The following MAGI1 variants were observed in gnomAD, a reference collection of about 807,000 sequenced individuals.
MAGI1 encodes membrane-associated guanylate kinase, WW and PDZ domain-containing protein 1.
Under a neutral mutation model 139.9 loss-of-function variants are expected in MAGI1, and 58 were observed. The observed-to-expected ratio is 0.41, with a 90% confidence interval of 0.34 to 0.52. The LOEUF (loss-of-function observed/expected upper bound fraction) is 0.52. Among genes scored for constraint, MAGI1 ranks in the 20% least tolerant of loss-of-function variants. The pLI is 0.12. For synonymous variants in MAGI1, 812 were observed against 737.9 expected (o/e 1.10, Z -1.63); for missense variants, 1,874 against 1,901.6 (o/e 0.99, Z 0.27).
chr3:65,642,181 G>A (rs1409066992), intron 1 of MAGI1, among the ~76,000 whole-genome samples: 2 of 152,098 alleles, frequency 1.3e-5, no homozygotes, highest in East Asian at 1.9e-4. Flanking sequence ...GCTGTGAGCT[G>A]GGTAATTATC....
rs148227186 is a variant in MAGI1 at position 65,793,086 on chromosome 3, T to C, written c.314-170998A>G. On this transcript the variant is annotated intron_variant, in intron 1 of 22. Transcript: ENST00000402939. ...AGCTAAGTTGAATGTATTTCTTTTA[T>C]TGCTAAGAAACTTTTTGAGAACTGT... 3.6e-3 allele frequency among the ~76,000 whole-genome samples: 553 copies of C among 152,304 alleles called. 9 individuals carry two copies. Among genetic ancestry groups the C allele is most frequent in the Admixed American group, 0.029 (451 of 15,294 alleles).
chr3:65,814,237 T>G lies in MAGI1; in HGVS notation c.314-192149A>C, dbSNP rs571732367. Among the ~76,000 whole-genome samples the G allele has an allele frequency of 7.5e-4, 114 of 152,242 alleles. 1 individual carries two copies. In the South Asian group the frequency reaches 0.023, roughly 31 times the overall value. On this transcript the variant is annotated intron_variant, in intron 1 of 22. Transcript: ENST00000402939. The stretch of plus-strand genomic sequence containing the variant: ...TAATAGTGGGTATCCTTCTTTCATA[T>G]TCATCTACATAAAACAGTCATGATA...
intron 2 of MAGI1, among the ~76,000 whole-genome samples, chr3:65,588,307 C>T (rs2081792696): frequency 6.6e-6 from 1 of 152,128 alleles, no homozygotes; most frequent in Non-Finnish European, 1.5e-5. Context: ...AAGGGTGAAG[C>T]ATTCCTCCCT....
chr3:65,560,942 T>C (rs1024433520), intron 2 of MAGI1, among the ~76,000 whole-genome samples: 5 of 152,220 alleles, frequency 3.3e-5, no homozygotes, highest in African/African-American at 1.2e-4. Context: ...TTTTTAAAAA[T>C]GGTTACGCCA....
At chr3:66,029,506 AG>A (rs2068482297) in intron 1 of MAGI1, among the ~76,000 whole-genome samples, 1 of 152,174 alleles carries the variant, frequency 6.6e-6, no homozygotes, top group South Asian at 2.1e-4. Flanking sequence ...ATGACACTGG[AG>A]ATGGTAACAG....
At chr3:65,875,757 A>T (rs1333970631) in intron 1 of MAGI1, among the ~76,000 whole-genome samples, 1 of 152,218 alleles carries the variant, frequency 6.6e-6, no homozygotes, top group Non-Finnish European at 1.5e-5. Context: ...GAAGAAGAAG[A>T]TAAAGGAATA....
At chr3:65,591,355 C>T (rs2081956816) in intron 2 of MAGI1, among the ~76,000 whole-genome samples, 1 of 152,120 alleles carries the variant, frequency 6.6e-6, no homozygotes, top group Non-Finnish European at 1.5e-5. Flanking sequence ...CTCTTTTTCT[C>T]ACACCCCTCA....
At chr3:65,530,643 G>A (rs2078614346) in intron 2 of MAGI1, among the ~76,000 whole-genome samples, 2 of 126,518 alleles carry the variant, frequency 1.6e-5, no homozygotes, top group African/African-American at 8.6e-5. Context: ...GTGTGTGTGT[G>A]TGTGTGTGTG....
At chr3:65,899,712 C>A (rs1344605260) in intron 1 of MAGI1, among the ~76,000 whole-genome samples, 1 of 152,206 alleles carries the variant, frequency 6.6e-6, no homozygotes, top group African/African-American at 2.4e-5. Context: ...ATTCTCCATA[C>A]ATATGGAGCC....
chr3:65,474,560 G>T, intron 4 of MAGI1, among the ~76,000 whole-genome samples: 1 of 152,056 alleles, frequency 6.6e-6, no homozygotes, highest in Middle Eastern at 3.4e-3. Flanking sequence ...AAACAGAAAC[G>T]AACATGAATG....
At chr3:65,479,582 G>A (rs1951124537) in intron 3 of MAGI1, among the ~76,000 whole-genome samples, 1 of 151,836 alleles carries the variant, frequency 6.6e-6, no homozygotes, top group South Asian at 2.1e-4. Context: ...AATCTCACTG[G>A]TAAGTTATGA....
chr3:65,632,594 G>C (rs115908397), intron 1 of MAGI1, among the ~76,000 whole-genome samples: 1 of 152,146 alleles, frequency 6.6e-6, no homozygotes, highest in Non-Finnish European at 1.5e-5. Context: ...CATTGGTCTA[G>C]GTCAGGGGTC....
At chr3:65,623,695 G>C (rs757490656) in intron 1 of MAGI1, among the ~76,000 whole-genome samples, 6 of 152,174 alleles carry the variant, frequency 3.9e-5, no homozygotes, top group Non-Finnish European at 7.3e-5. Flanking sequence ...TGGTTAAGAT[G>C]ATGGTATTTC....
intron 1 of MAGI1, among the ~76,000 whole-genome samples, chr3:65,778,616 C>T (rs533422135): frequency 1.7e-4 from 26 of 152,202 alleles, no homozygotes; most frequent in Non-Finnish European, 3.2e-4. Flanking sequence ...GGTGAGGAAA[C>T]AGCAGTTAAG....
chr3:65,571,084 G>A (rs2080933739), intron 2 of MAGI1, among the ~76,000 whole-genome samples: 1 of 152,080 alleles, frequency 6.6e-6, no homozygotes, highest in Admixed American at 6.6e-5. Flanking sequence ...CTATAAACCA[G>A]TTTGCTTTTT....
At chr3:65,589,219 T>A (rs1168028731) in intron 2 of MAGI1, among the ~76,000 whole-genome samples, 1 of 152,182 alleles carries the variant, frequency 6.6e-6, no homozygotes, top group South Asian at 2.1e-4. Context: ...GGCAGTGAAA[T>A]AAGGTGCTTC....
intron 2 of MAGI1, among the ~76,000 whole-genome samples, chr3:65,616,595 C>T (rs1188401896): frequency 6.6e-6 from 1 of 152,172 alleles, no homozygotes; most frequent in Non-Finnish European, 1.5e-5. Flanking sequence ...ACAGGCTAGG[C>T]TTTGTAAAGG....
intron 5 of MAGI1, 56 bp downstream of exon 5, chr3:65,470,227 G>A (rs1319264525): frequency 4.0e-6 from 5 of 1,250,456 alleles, no homozygotes; most frequent in African/African-American, 3.0e-5. Flanking sequence ...TAGACAGAGG[G>A]AAGGAAGGGA....
chr3:65,655,647 C>A (rs2085833178), intron 1 of MAGI1, among the ~76,000 whole-genome samples: 1 of 152,176 alleles, frequency 6.6e-6, no homozygotes. Context: ...TTAATTCAGT[C>A]CTCACCACTC....
Sources: allele counts gnomAD v4.1 joint callset (sites outside exome capture counted in the v4.1 genomes callset), GRCh38; gene constraint gnomAD v4.1.1; transcripts MANE v1.5; gene names NCBI Gene and HGNC (gene_info 2026-07-23, HGNC 2026-07-21).